Variants in FBXO34 observed in about 807,000 individuals in gnomAD.
FBXO34 encodes the protein F-box protein 34.
In FBXO34, 12 loss-of-function variants were observed where a neutral mutation model predicts 24.5. That is an observed-to-expected ratio of 0.49 (90% CI 0.31 to 0.79). The LOEUF is 0.79. Among genes scored for constraint, FBXO34 ranks in the 30% least tolerant of loss-of-function variants. FBXO34 has a pLI of 0.04. For missense variants in FBXO34, 823 were observed against 857.7 expected (o/e 0.96, Z 0.51); for synonymous variants, 320 against 311.9 (o/e 1.03, Z -0.27).
chr14:55,272,768 G>A (rs2139613555), intron 1 of FBXO34, among the ~76,000 whole-genome samples: 1 of 152,166 alleles, frequency 6.6e-6, no homozygotes, highest in East Asian at 1.9e-4. Context: ...TGGTTTAGAA[G>A]TCAGCAACAA....
intron 1 of FBXO34, among the ~76,000 whole-genome samples, chr14:55,296,382 G>GTGTTTTT (rs1882122432): frequency 3.1e-5 from 3 of 95,824 alleles, no homozygotes; most frequent in Non-Finnish European, 6.4e-5. Context: ...CTGTTCTTGT[G>GTGTTTTT]TTTTTTTTGT....
At chr14:55,280,342 GA>G (rs1249789108) in intron 1 of FBXO34, among the ~76,000 whole-genome samples, 5 of 151,572 alleles carry the variant, frequency 3.3e-5, no homozygotes, top group East Asian at 1.9e-4. Context: ...AATACCTGAG[GA>G]AAAAAAATTA....
At chr14:55,355,457 T>C (rs1355569217), downstream of FBXO34, among the ~76,000 whole-genome samples, 3 of 152,168 alleles carry the variant, frequency 2.0e-5, no homozygotes, top group African/African-American at 7.2e-5. Flanking sequence ...TCCCCATCTG[T>C]AGGTTCTGCA....
chr14:55,272,730 G>A (rs1881198892), intron 1 of FBXO34, among the ~76,000 whole-genome samples: 1 of 151,746 alleles, frequency 6.6e-6, no homozygotes, highest in African/African-American at 2.4e-5. Context: ...CCCACCCTAT[G>A]GTACCATGCT....
the FBXO34 span, among the ~76,000 whole-genome samples, chr14:55,398,965 T>G: frequency 2.0e-5 from 3 of 152,268 alleles, no homozygotes; most frequent in South Asian, 6.2e-4. Context: ...AGTAACATGA[T>G]GTGGTGTTCA....
chr14:55,312,249 A>G (rs1268163843), intron 1 of FBXO34, among the ~76,000 whole-genome samples: 1 of 152,136 alleles, frequency 6.6e-6, no homozygotes, highest in East Asian at 1.9e-4. Context: ...AATGATCTCC[A>G]TGTCTCACAT....
At chr14:55,402,946 TATATATATATATATATATATATAA>T in the FBXO34 span, among the ~76,000 whole-genome samples, 13 of 56,672 alleles carry the variant, frequency 2.3e-4, no homozygotes, top group South Asian at 7.8e-4. Flanking sequence ...TATATATATA[TATATATATATATATATATATATAA>T]ATAGCTGGGC....
At chr14:55,380,979 T>C in the FBXO34 span, among the ~76,000 whole-genome samples, 1 of 150,328 alleles carries the variant, frequency 6.7e-6, no homozygotes, top group Non-Finnish European at 1.5e-5. Flanking sequence ...CCTGATAACG[T>C]AATATCAAAA....
At chr14:55,381,442 C>T in the FBXO34 span, among the ~76,000 whole-genome samples, 4 of 152,180 alleles carry the variant, frequency 2.6e-5, no homozygotes, top group Non-Finnish European at 5.9e-5. Flanking sequence ...ATAACGTCCT[C>T]TTACATAAAC....
intron 1 of FBXO34, among the ~76,000 whole-genome samples, chr14:55,321,178 T>TA (rs1401874811): frequency 1.3e-5 from 2 of 151,566 alleles, no homozygotes; most frequent in African/African-American, 2.4e-5. Context: ...TTTTTTTTTT[T>TA]AATTCAGTGA....
intron 1 of FBXO34, among the ~76,000 whole-genome samples, chr14:55,295,289 CTTTA>C (rs959895567): frequency 2.6e-5 from 4 of 151,410 alleles, no homozygotes; most frequent in African/African-American, 9.7e-5. Flanking sequence ...TAATAGTTAG[CTTTA>C]TTTATTTATT....
At chr14:55,311,296 C>T (rs1018273448) in intron 1 of FBXO34, among the ~76,000 whole-genome samples, 1 of 152,180 alleles carries the variant, frequency 6.6e-6, no homozygotes, top group Non-Finnish European at 1.5e-5. Context: ...GAAACTGCCC[C>T]ATGATTGTTA....
At chr14:55,381,659 T>C in the FBXO34 span, among the ~76,000 whole-genome samples, 1 of 152,234 alleles carries the variant, frequency 6.6e-6, no homozygotes, top group Non-Finnish European at 1.5e-5. Context: ...AAAAGCTATA[T>C]GTTCTGTGAT....
the FBXO34 span, among the ~76,000 whole-genome samples, chr14:55,426,296 A>G: frequency 6.6e-6 from 1 of 152,028 alleles, no homozygotes; most frequent in East Asian, 1.9e-4. Context: ...AATAAAATAA[A>G]GAGGGAAAAA....
intron 1 of FBXO34, among the ~76,000 whole-genome samples, chr14:55,272,559 G>T: frequency 7.0e-6 from 1 of 142,746 alleles, no homozygotes; most frequent in African/African-American, 2.7e-5. Flanking sequence ...ACATCTATCT[G>T]CTTGTTAGCA....
At chr14:55,271,841 G>A (rs995877345) in intron 1 of FBXO34, 4 of 152,028 alleles carry the variant, frequency 2.6e-5, no homozygotes, top group African/African-American at 9.7e-5. Flanking sequence ...GAGATTCACG[G>A]ATAGGCCGTG....
intron 1 of FBXO34, among the ~76,000 whole-genome samples, chr14:55,309,222 G>A (rs1882652342): frequency 6.6e-6 from 1 of 152,126 alleles, no homozygotes; most frequent in Non-Finnish European, 1.5e-5. Flanking sequence ...ATGGAACAAA[G>A]TTAAATATTC....
At chr14:55,429,820 C>A in the FBXO34 span, among the ~76,000 whole-genome samples, 1 of 145,492 alleles carries the variant, frequency 6.9e-6, no homozygotes, top group African/African-American at 2.5e-5. Context: ...AGGACACATG[C>A]ATACAAAAAA....
intron 1 of FBXO34, among the ~76,000 whole-genome samples, chr14:55,301,565 G>C (rs549853907): frequency 6.6e-6 from 1 of 152,328 alleles, no homozygotes; most frequent in South Asian, 2.1e-4. Context: ...GGGCATTACT[G>C]TATTTATATC....
Sources: allele counts gnomAD v4.1 joint callset (sites outside exome capture counted in the v4.1 genomes callset), GRCh38; gene constraint gnomAD v4.1.1; transcripts MANE v1.5; gene names NCBI Gene and HGNC (gene_info 2026-07-23, HGNC 2026-07-21).